The following FRK variants were observed in gnomAD, a reference collection of about 807,000 sequenced individuals.
FRK encodes the protein tyrosine-protein kinase FRK.
A neutral mutation model predicts 56.4 loss-of-function variants in FRK; 51 were observed. The observed-to-expected ratio is 0.90, with a 90% CI of 0.72 to 1.14. FRK has a LOEUF of 1.14. Ranked by LOEUF, FRK falls within the 50% of genes most tolerant of loss-of-function variation. The pLI, the probability that FRK is intolerant of heterozygous loss-of-function variation, is 0.00. For synonymous variants in FRK, 245 were observed against 217.9 expected (o/e 1.12, Z -1.10); for missense variants, 570 against 601.4 (o/e 0.95, Z 0.55).
At chr6:116,003,780 A>T (rs975935070) in intron 2 of FRK, 97 bp downstream of exon 2, 21 of 1,399,542 alleles carry the variant, frequency 1.5e-5, no homozygotes, top group Non-Finnish European at 2.9e-6. Context: ...GATAAGAAAT[A>T]AGGCAAATTT....
chr6:116,012,067 G>A (rs1462474220), intron 1 of FRK, among the ~76,000 whole-genome samples: 1 of 151,504 alleles, frequency 6.6e-6, no homozygotes, highest in Non-Finnish European at 1.5e-5. Context: ...ATTCAACATC[G>A]CCTCTTGGAT....
At chr6:116,031,709 A>G (rs1776309275) in intron 1 of FRK, among the ~76,000 whole-genome samples, 1 of 152,128 alleles carries the variant, frequency 6.6e-6, no homozygotes, top group African/African-American at 2.4e-5. Flanking sequence ...TTACATCAAG[A>G]TCAGCTAGAA....
At chr6:116,056,747 A>G (rs1777415273) in intron 1 of FRK, among the ~76,000 whole-genome samples, 3 of 152,200 alleles carry the variant, frequency 2.0e-5, no homozygotes, top group Admixed American at 1.3e-4. Flanking sequence ...GGGATTTCAC[A>G]TTGAAGATGT....
intron 1 of FRK, among the ~76,000 whole-genome samples, chr6:116,047,424 G>T (rs1469101293): frequency 6.8e-6 from 1 of 147,052 alleles, no homozygotes; most frequent in Admixed American, 6.8e-5. Context: ...TTGAGATGGA[G>T]TCTTGCTCTG....
At position 115,942,505 on chromosome 6, in the gene FRK, T is replaced by C. The variant is rs745969108; in HGVS notation, c.1427A>G (p.Glu476Gly). Reference protein sequence around the residue: ...MLECWNAEPKERPTFETLRWK... With the variant: ...MLECWNAEPKGRPTFETLRWK... ...ACGCAGTGTCTCAAATGTAGGTCGT[T>C]CCTTAGGCTCTGCATTCCAGCACTC... Residue 476 changes from glutamate to glycine, a missense_variant, in exon 8 of 8, where the codon GAA (glutamate) becomes GGA (glycine). Physicochemically the swap from Glu to Gly is moderately conservative, Grantham distance 98 (BLOSUM62 -2). Coordinates refer to ENST00000606080, the MANE Select transcript of FRK (RefSeq NM_002031.3). 6.2e-7 allele frequency: 1 copy of C among 1,613,824 alleles called. No homozygotes were observed. The highest frequency in any genetic ancestry group is 1.1e-5 in the South Asian group (1 of 91,078).
intron 1 of FRK, among the ~76,000 whole-genome samples, chr6:116,042,771 A>G (rs1360015596): frequency 3.3e-5 from 5 of 152,206 alleles, no homozygotes; most frequent in African/African-American, 1.2e-4. Context: ...AAATGCTGCA[A>G]CTAAAAGACA....
chr6:115,965,126 G>C (rs1773511598), intron 4 of FRK, among the ~76,000 whole-genome samples: 1 of 124,680 alleles, frequency 8.0e-6, no homozygotes, highest in Non-Finnish European at 1.7e-5. Flanking sequence ...TACAACATGG[G>C]AGAAAATTTT....
chr6:115,958,746 A>G (rs1221233949), intron 4 of FRK, among the ~76,000 whole-genome samples: 3 of 38,482 alleles, frequency 7.8e-5, no homozygotes, highest in African/African-American at 2.5e-4. Context: ...AAAGAAAGAA[A>G]GAAAGAAAGA....
rs976217395 is a variant in FRK, at chr6:115,934,359, T to A, written c.*8055A>T. 6.6e-6 allele frequency: 1 copy of A among 152,210 alleles called. No homozygotes were observed. Among genetic ancestry groups the A allele is most frequent in the Non-Finnish European group, 1.5e-5 (1 of 68,040 alleles). The allele number at this position is 152,210 out of a possible 1,614,324, so 9.4% of individuals were successfully genotyped here. A position where few individuals can be genotyped will look rare whatever the true frequency, so the allele number is the denominator to read the frequency against. ...CCTATTTTTGGTCCATGGCTGGGCA[T>A]AGGACCCAAGTTTGCTGGAACACAA... On this transcript the variant is annotated 3_prime_UTR_variant, in exon 8 of 8. Transcript: ENST00000606080.
chr6:116,041,644 G>A (rs553499326), intron 1 of FRK, among the ~76,000 whole-genome samples: 6 of 152,262 alleles, frequency 3.9e-5, no homozygotes, highest in East Asian at 3.9e-4. Context: ...AGCTCAAGGG[G>A]TCAGGGAACT....
the FRK span, among the ~76,000 whole-genome samples, chr6:116,079,118 TTC>T: frequency 6.6e-6 from 1 of 152,162 alleles, no homozygotes; most frequent in African/African-American, 2.4e-5. Context: ...ATGTGCACAT[TTC>T]TCTCTCTAGC....
chr6:116,006,340 A>G (rs1428184427), intron 1 of FRK, among the ~76,000 whole-genome samples: 2 of 152,206 alleles, frequency 1.3e-5, no homozygotes, highest in Non-Finnish European at 2.9e-5. Flanking sequence ...ATGAAATACT[A>G]TTTTATACTT....
At chr6:116,024,852 C>A (rs1353896669) in intron 1 of FRK, among the ~76,000 whole-genome samples, 3 of 152,152 alleles carry the variant, frequency 2.0e-5, no homozygotes, top group Non-Finnish European at 4.4e-5. Flanking sequence ...CTGACTTCCA[C>A]AATGGTTGAA....
In FRK at chr6:116,001,862, C is replaced by T. The variant is rs1057135713; in HGVS notation, c.466+2015G>A. ...GAATTTTGTTTACAAAACATACACA[C>T]ACACACAAGTATTTCATTATTTACA... On this transcript the variant is annotated intron_variant, in intron 2 of 7. Coordinates refer to ENST00000606080, the MANE Select transcript of FRK (RefSeq NM_002031.3). Among the ~76,000 whole-genome samples the T allele has an allele frequency of 3.9e-5, 6 of 151,960 alleles. No homozygotes were observed. The East Asian group carries it at 9.6e-4, about 24-fold the overall frequency.
chr6:116,072,272 T>G, the FRK span, among the ~76,000 whole-genome samples: 4 of 152,094 alleles, frequency 2.6e-5, no homozygotes, highest in East Asian at 3.8e-4. Context: ...AAAAATTGAT[T>G]CTTAAATAAA....
At position 115,942,636 on chromosome 6, in the gene FRK, C is replaced by T. The variant is rs747573645; in HGVS notation, c.1307-11G>A. 1.9e-6 allele frequency: 3 copies of T among 1,603,450 alleles called. No homozygotes were observed. The African/African-American group carries it at 4.0e-5, about 21-fold the overall frequency. ...GGGCACCTGTCATACCTTGAAAATA[C>T]AGAACGAAACCAACAACAACAAAAA... On this transcript the variant is annotated splice_polypyrimidine_tract_variant and intron_variant, in intron 7 of 7. Transcript: ENST00000606080.
chr6:115,975,465 C>T (rs1773958867), intron 2 of FRK, among the ~76,000 whole-genome samples: 1 of 152,048 alleles, frequency 6.6e-6, no homozygotes, highest in Admixed American at 6.6e-5. Flanking sequence ...GTATTTTCAT[C>T]TGTTAGTGGT....
At chr6:116,038,832 G>A (rs142329697) in intron 1 of FRK, 368 of 520,154 alleles carry the variant, frequency 7.1e-4, no homozygotes, top group African/African-American at 6.3e-3. Context: ...GAGCTCATCC[G>A]CACTCTGAAG....
chr6:115,984,830 A>G (rs909922831), intron 2 of FRK, among the ~76,000 whole-genome samples: 1 of 151,898 alleles, frequency 6.6e-6, no homozygotes, highest in Non-Finnish European at 1.5e-5. Flanking sequence ...TCTGTTGTGA[A>G]CTTTTGAAAC....
Sources: allele counts gnomAD v4.1 joint callset (sites outside exome capture counted in the v4.1 genomes callset), GRCh38; gene constraint gnomAD v4.1.1; transcripts MANE v1.5; gene names NCBI Gene and HGNC (gene_info 2026-07-23, HGNC 2026-07-21).